DOCK4: variants seen among roughly 807,000 people sequenced by gnomAD.
DOCK4 encodes dedicator of cytokinesis protein 4.
A neutral mutation model predicts 268.1 loss-of-function variants in DOCK4; 97 were observed. The ratio of observed to expected loss-of-function variants is 0.36; its 90% CI spans 0.31 to 0.43. The LOEUF (loss-of-function observed/expected upper bound fraction) is 0.43. DOCK4 is among the 20% of genes least tolerant of loss of function. The pLI, the probability that DOCK4 is intolerant of heterozygous loss-of-function variation, is 1.00. For synonymous variants in DOCK4, 954 were observed against 887.2 expected, an observed-to-expected ratio of 1.08 and a Z score of -1.34; for missense variants, 2,145 against 2,455.7, an observed-to-expected ratio of 0.87 and a Z score of 2.67.
intron 48 of DOCK4, 73 bp downstream of exon 48, chr7:111,739,323 G>T (rs1209996770): frequency 3.1e-6 from 5 of 1,593,242 alleles, no homozygotes; most frequent in African/African-American, 2.7e-5. Context: ...TGAACGTGTG[G>T]CAGCTGGCCA....
At chr7:111,901,594 A>C in intron 14 of DOCK4, 83 bp downstream of exon 14, 1 of 1,348,230 alleles carries the variant, frequency 7.4e-7, no homozygotes, top group Admixed American at 2.3e-5. Context: ...ATCGTAAATC[A>C]GAAAATAACT....
intron 1 of DOCK4, among the ~76,000 whole-genome samples, chr7:112,082,457 C>T (rs1006555483): frequency 6.6e-6 from 1 of 152,142 alleles, no homozygotes; most frequent in Non-Finnish European, 1.5e-5. Flanking sequence ...AATCTACCTT[C>T]CCTACTCCTT....
intron 17 of DOCK4, 39 bp downstream of exon 17, chr7:111,876,991 T>C (rs756776390): frequency 1.0e-5 from 14 of 1,349,268 alleles, no homozygotes; most frequent in African/African-American, 1.5e-5. Context: ...TACATGATTA[T>C]TAGGTACTAG....
chr7:112,034,418 C>T (rs1206495448), intron 1 of DOCK4, among the ~76,000 whole-genome samples: 1 of 152,162 alleles, frequency 6.6e-6, no homozygotes, highest in African/African-American at 2.4e-5. Flanking sequence ...AAACCCTGAA[C>T]ATCCTCACTT....
intron 1 of DOCK4, among the ~76,000 whole-genome samples, chr7:112,061,210 T>C (rs979203231): frequency 6.6e-6 from 1 of 152,116 alleles, no homozygotes; most frequent in Non-Finnish European, 1.5e-5. Context: ...AATTACCACA[T>C]TGGATGAATT....
intron 12 of DOCK4, 94 bp downstream of exon 12, chr7:111,935,446 A>C (rs1299031038): frequency 1.8e-6 from 2 of 1,102,016 alleles, no homozygotes; most frequent in East Asian, 4.7e-5. Context: ...AGACAGAAAA[A>C]CAAAGGGCTG....
chr7:111,995,435 G>GTGTGTGTT (rs1554406562), intron 4 of DOCK4, among the ~76,000 whole-genome samples: 21 of 95,392 alleles, frequency 2.2e-4, no homozygotes, highest in African/African-American at 1.1e-3. Context: ...GTGTGTGTGT[G>GTGTGTGTT]TGTGTGTGTG....
intron 26 of DOCK4, among the ~76,000 whole-genome samples, chr7:111,828,396 G>A (rs1438387301): frequency 1.3e-5 from 2 of 152,134 alleles, no homozygotes; most frequent in Non-Finnish European, 2.9e-5. Flanking sequence ...AGGCATGAAT[G>A]GAGTTGAAAG....
intron 1 of DOCK4, among the ~76,000 whole-genome samples, chr7:112,199,896 G>A (rs187253079): frequency 5.9e-5 from 9 of 152,190 alleles, no homozygotes; most frequent in African/African-American, 1.4e-4. Context: ...GAAAACTTAC[G>A]CAATGCATGT....
chr7:111,972,762 T>C (rs1324666348), intron 8 of DOCK4, among the ~76,000 whole-genome samples: 1 of 152,140 alleles, frequency 6.6e-6, no homozygotes, highest in Non-Finnish European at 1.5e-5. Flanking sequence ...ACCTAGATTC[T>C]ATCATTAACA....
At chr7:111,729,373 C>T (rs969840162) in intron 52 of DOCK4, among the ~76,000 whole-genome samples, 1 of 152,246 alleles carries the variant, frequency 6.6e-6, no homozygotes, top group East Asian at 1.9e-4. Context: ...GCCTGGGCAA[C>T]ATGGCAAAAC....
chr7:111,970,055 C>T (rs1797583878), intron 8 of DOCK4, among the ~76,000 whole-genome samples: 1 of 152,178 alleles, frequency 6.6e-6, no homozygotes, highest in Non-Finnish European at 1.5e-5. Flanking sequence ...TCCCCTCTCC[C>T]TCATTACTGG....
chr7:112,072,608 C>T (rs1425688119), intron 1 of DOCK4, among the ~76,000 whole-genome samples: 2 of 152,200 alleles, frequency 1.3e-5, no homozygotes, highest in Non-Finnish European at 2.9e-5. Context: ...AAGAGCCCCT[C>T]ACCTGGCCCC....
intron 1 of DOCK4, among the ~76,000 whole-genome samples, chr7:112,116,429 T>C (rs549825303): frequency 1.1e-4 from 17 of 152,300 alleles, no homozygotes; most frequent in African/African-American, 3.9e-4. Flanking sequence ...CTTGAATACA[T>C]AGTTTTACTA....
intron 7 of DOCK4, among the ~76,000 whole-genome samples, chr7:111,978,896 T>C (rs764157296): frequency 1.3e-5 from 2 of 152,202 alleles, no homozygotes; most frequent in African/African-American, 4.8e-5. Flanking sequence ...ATGGCTAGGC[T>C]TGTGTATTAA....
chr7:111,947,974 C>T (rs1466401323), intron 8 of DOCK4, among the ~76,000 whole-genome samples: 2 of 152,124 alleles, frequency 1.3e-5, no homozygotes, highest in African/African-American at 4.8e-5. Flanking sequence ...GTGATTCTCC[C>T]GTCTTGGCCT....
chr7:112,167,825 A>T (rs566973507), intron 1 of DOCK4, among the ~76,000 whole-genome samples: 2 of 152,168 alleles, frequency 1.3e-5, no homozygotes, highest in Admixed American at 6.5e-5. Context: ...AAGACTTTTA[A>T]TTTCATTATT....
intron 8 of DOCK4, among the ~76,000 whole-genome samples, chr7:111,969,313 G>A (rs1409553620): frequency 1.3e-5 from 2 of 149,836 alleles, no homozygotes; most frequent in African/African-American, 2.5e-5. Flanking sequence ...CTGTATGAAA[G>A]ATTTCTAAAT....
chr7:112,191,382 A>G (rs1473067720), intron 1 of DOCK4, among the ~76,000 whole-genome samples: 1 of 145,098 alleles, frequency 6.9e-6, no homozygotes, highest in Non-Finnish European at 1.5e-5. Flanking sequence ...ATTTCTCCCC[A>G]CCCCTCTAGT....
Sources: gnomAD v4.1 joint callset for allele counts (sites outside exome capture counted in the v4.1 genomes callset) on GRCh38, gnomAD v4.1.1 for gene constraint, MANE v1.5 for transcripts, NCBI Gene and HGNC (gene_info 2026-07-23, HGNC 2026-07-21) for gene names.